RNF130: variants seen among roughly 807,000 people sequenced by gnomAD.
RNF130 encodes the protein ring finger protein 130, also known as E3 ubiquitin-protein ligase RNF130.
RNF130 carries 21 observed loss-of-function variants against 44.6 expected under a neutral mutation model. That is an observed-to-expected ratio of 0.47 (90% CI 0.33 to 0.68). The LOEUF (loss-of-function observed/expected upper bound fraction) is 0.68, where lower values mean the gene tolerates loss of function less well. Among genes scored for constraint, RNF130 ranks in the 30% least tolerant of loss-of-function variants. RNF130 has a pLI of 0.02. For missense variants in RNF130, 479 were observed against 560.6 expected (o/e 0.85, Z 1.47); for synonymous variants, 214 against 210.4 (o/e 1.02, Z -0.15).
chr5:179,923,131 G>A (rs1761658650), intron 7 of RNF130, among the ~76,000 whole-genome samples: 2 of 152,098 alleles, frequency 1.3e-5, no homozygotes, highest in Admixed American at 6.5e-5. Context: ...AGGTCACTAA[G>A]ATTTTCTCGT....
intron 2 of RNF130, among the ~76,000 whole-genome samples, chr5:180,017,315 C>T (rs1763764138): frequency 6.6e-6 from 1 of 152,120 alleles, no homozygotes; most frequent in African/African-American, 2.4e-5. Context: ...CCGGGTTGTA[C>T]CTTTATTTTT....
intron 1 of RNF130, among the ~76,000 whole-genome samples, chr5:180,070,722 T>C (rs1765234115): frequency 1.3e-5 from 2 of 152,230 alleles, no homozygotes. Context: ...AATACATGTT[T>C]ACACCAAATA....
At chr5:179,962,162 C>T (rs1762346224) in intron 8 of RNF130, among the ~76,000 whole-genome samples, 1 of 152,214 alleles carries the variant, frequency 6.6e-6, no homozygotes, top group Admixed American at 6.5e-5. Flanking sequence ...ACAGCAGCAG[C>T]TAGTGGTTCA....
At chr5:180,032,659 T>C (rs1224386787) in intron 2 of RNF130, among the ~76,000 whole-genome samples, 1 of 152,220 alleles carries the variant, frequency 6.6e-6, no homozygotes, top group Non-Finnish European at 1.5e-5. Flanking sequence ...AGATATTTAT[T>C]TCTAGATTCT....
chr5:180,006,727 C>T (rs996021950), intron 3 of RNF130, among the ~76,000 whole-genome samples: 5 of 152,110 alleles, frequency 3.3e-5, no homozygotes, highest in African/African-American at 1.2e-4. Flanking sequence ...ATTAAAGGTG[C>T]AATATTAACC....
At chr5:180,042,955 A>C (rs895829230) in intron 1 of RNF130, among the ~76,000 whole-genome samples, 2 of 152,186 alleles carry the variant, frequency 1.3e-5, no homozygotes, top group African/African-American at 4.8e-5. Flanking sequence ...TCCCATCTTT[A>C]ATTTGTACTT....
At chr5:180,036,488 C>T (rs934807436) in intron 2 of RNF130, among the ~76,000 whole-genome samples, 1 of 152,170 alleles carries the variant, frequency 6.6e-6, no homozygotes, top group Non-Finnish European at 1.5e-5. Context: ...CACAGCATAG[C>T]TTGGGGAGTT....
intron 8 of RNF130, among the ~76,000 whole-genome samples, chr5:179,958,723 G>C (rs997080854): frequency 2.6e-5 from 4 of 152,006 alleles, no homozygotes; most frequent in African/African-American, 9.7e-5. Context: ...TTTCACTCTG[G>C]TCACCCAGGC....
rs749207080 is a variant in RNF130, at chr5:179,920,361, T to C, written c.1216A>G (p.Thr406Ala). 9 of 702,416 alleles carry C rather than the reference T, an allele frequency of 1.3e-5. 1 individual carries two copies. The South Asian group carries it at 1.3e-4, about 10-fold the overall frequency. 43.5% of individuals were successfully genotyped at this position (702,416 alleles called of 1,614,324 possible). A position where few individuals can be genotyped will look rare whatever the true frequency, so the allele number is the denominator to read the frequency against. ...TACATGTCCAAAGAAGGTTCGATGG[T>C]GGAGAATTCACTTTCATACACCAGA... is the stretch of plus-strand genomic sequence containing the variant. The change falls in exon 8 of 8, where the codon ACC becomes GCC. Residue 406 changes from threonine (T) to alanine (A), a missense_variant. Coordinates refer to the RNF130 transcript ENST00000522208.
At chr5:180,046,063 G>T (rs1274718817) in intron 1 of RNF130, among the ~76,000 whole-genome samples, 1 of 152,158 alleles carries the variant, frequency 6.6e-6, no homozygotes, top group African/African-American at 2.4e-5. Flanking sequence ...GCTCGGGCAT[G>T]GCAGGCCCTG....
downstream of RNF130, among the ~76,000 whole-genome samples, chr5:179,950,729 T>G (rs1582136059): frequency 1.3e-5 from 2 of 152,216 alleles, no homozygotes; most frequent in African/African-American, 2.4e-5. Context: ...TTTGAAGTCT[T>G]AATACTATGA....
exon 8 of RNF130, chr5:179,913,362 T>C (rs888380442): frequency 2.0e-5 from 3 of 152,148 alleles, no homozygotes; most frequent in South Asian, 2.1e-4. Flanking sequence ...AGGTGCTTTT[T>C]TTTTTTTCTT....
chr5:179,997,311 T>TTTTA (rs1157064193), intron 3 of RNF130, among the ~76,000 whole-genome samples: 4 of 151,664 alleles, frequency 2.6e-5, no homozygotes, highest in South Asian at 2.1e-4. Context: ...CTGGCTTATG[T>TTTTA]TTTATTTATT....
intron 2 of RNF130, among the ~76,000 whole-genome samples, chr5:180,019,251 G>A (rs150049084): frequency 6.6e-6 from 1 of 151,642 alleles, no homozygotes; most frequent in Non-Finnish European, 1.5e-5. Context: ...GGGCGTGGTG[G>A]CGGGCACCTG....
Position 179,963,451 on chromosome 5 carries a change from A to G in RNF130, c.1244+20T>C. 1 of 1,593,488 alleles carries G rather than the reference A, an allele frequency of 6.3e-7. No homozygotes were observed. The highest frequency in any genetic ancestry group is 1.1e-5 in the South Asian group (1 of 89,862). The stretch of plus-strand genomic sequence containing the variant: ...TGGGATCATCTGGCACATGCAATCC[A>G]AAAACAATTTGTTACTTACTCATTA... On this transcript the variant is annotated intron_variant, in intron 8 of 8. Coordinates refer to ENST00000521389, the MANE Select transcript of RNF130 (RefSeq NM_018434.6).
In RNF130 at chr5:180,010,934, T is replaced by C. The variant is rs57266236; in HGVS notation, c.693+2127A>G. On this transcript the variant is annotated intron_variant, in intron 3 of 8. Coordinates refer to ENST00000521389, the MANE Select transcript of RNF130 (RefSeq NM_018434.6). ...AGAGGTGGGGAGATTTCAGTGTATT[T>C]AGGAAGATCAGTGGATTGCATCCAT... 3.9e-3 allele frequency among the ~76,000 whole-genome samples: 589 copies of C among 152,332 alleles called. 23 individuals are homozygous for C. The East Asian group carries it at 0.087, about 22-fold the overall frequency.
intron 2 of RNF130, among the ~76,000 whole-genome samples, chr5:180,021,103 T>C (rs538568333): frequency 8.1e-4 from 124 of 152,244 alleles, no homozygotes; most frequent in Non-Finnish European, 1.5e-3. Context: ...GTAGCTGCAA[T>C]GTCAGACACG....
intron 2 of RNF130, among the ~76,000 whole-genome samples, chr5:180,030,100 G>A (rs994498966): frequency 4.6e-5 from 7 of 151,974 alleles, no homozygotes; most frequent in Admixed American, 2.0e-4. Context: ...CGCCTACCTC[G>A]GCCTCCTGAA....
intron 5 of RNF130, 116 bp downstream of exon 5, chr5:179,978,087 C>T: frequency 1.2e-6 from 1 of 835,104 alleles, no homozygotes; most frequent in Non-Finnish European, 2.0e-6. Context: ...CGGACTTGGC[C>T]TCCAGAAAGC....
Sources: gnomAD v4.1 joint callset for allele counts (sites outside exome capture counted in the v4.1 genomes callset) on GRCh38, gnomAD v4.1.1 for gene constraint, MANE v1.5 for transcripts, NCBI Gene and HGNC (gene_info 2026-07-23, HGNC 2026-07-21) for gene names.